The following ASB4 variants were observed in gnomAD, a reference collection of about 807,000 sequenced individuals.
The protein encoded by ASB4 is ankyrin repeat and SOCS box protein 4.
ASB4 carries 35 observed loss-of-function variants against 38.6 expected under a neutral mutation model. The ratio of observed to expected loss-of-function variants is 0.91; its 90% CI spans 0.69 to 1.20. ASB4 has a LOEUF of 1.20. ASB4 is among the 50% of genes most tolerant of loss of function. The pLI, the probability that ASB4 is intolerant of heterozygous loss-of-function variation, is 0.00. For synonymous variants in ASB4, 195 were observed against 201.3 expected, an observed-to-expected ratio of 0.97 and a Z score of 0.26; for missense variants, 557 against 527.2, an observed-to-expected ratio of 1.06 and a Z score of -0.55.
intron 2 of ASB4, among the ~76,000 whole-genome samples, chr7:95,512,749 G>C (rs1346753932): frequency 6.6e-6 from 1 of 152,132 alleles, no homozygotes; most frequent in East Asian, 1.9e-4. Flanking sequence ...TAGCTAGAAG[G>C]GGAACTCACA....
At chr7:95,475,541 A>G (rs1789969079), upstream of ASB4, among the ~76,000 whole-genome samples, 1 of 151,858 alleles carries the variant, frequency 6.6e-6, no homozygotes, top group Non-Finnish European at 1.5e-5. Flanking sequence ...GTGCCACCAC[A>G]CCTGGCTAAG....
chr7:95,531,579 C>CTATGACTAT, intron 3 of ASB4, among the ~76,000 whole-genome samples: 1 of 152,322 alleles, frequency 6.6e-6, no homozygotes, highest in South Asian at 2.1e-4. Context: ...CAAATGATGG[C>CTATGACTAT]TATGACTATT....
intron 2 of ASB4, among the ~76,000 whole-genome samples, chr7:95,506,856 T>C (rs567684386): frequency 2.6e-5 from 4 of 152,088 alleles, no homozygotes; most frequent in Non-Finnish European, 5.9e-5. Flanking sequence ...TCTTCTGCTT[T>C]CTATATGCTC....
upstream of ASB4, among the ~76,000 whole-genome samples, chr7:95,474,210 T>C (rs962367761): frequency 6.6e-6 from 1 of 152,232 alleles, no homozygotes; most frequent in Non-Finnish European, 1.5e-5. Flanking sequence ...TCTTTTCCTT[T>C]TCTTGAACAT....
intron 2 of ASB4, among the ~76,000 whole-genome samples, chr7:95,521,557 C>T (rs912036257): frequency 2.0e-5 from 3 of 151,906 alleles, no homozygotes; most frequent in Admixed American, 1.3e-4. Flanking sequence ...ATTTCTTCCT[C>T]TCAAGTAACT....
chr7:95,502,948 C>G (rs985225355), intron 2 of ASB4, among the ~76,000 whole-genome samples: 2 of 152,040 alleles, frequency 1.3e-5, no homozygotes, highest in African/African-American at 4.8e-5. Context: ...GTTGTTACCG[C>G]CATACCATGC....
chr7:95,523,963 T>C (rs1790698737), intron 2 of ASB4, among the ~76,000 whole-genome samples: 1 of 152,150 alleles, frequency 6.6e-6, no homozygotes, highest in African/African-American at 2.4e-5. Context: ...AACCAAGAAA[T>C]TGGCTAAAAT....
At chr7:95,490,602 A>G (rs1320246843) in intron 1 of ASB4, among the ~76,000 whole-genome samples, 1 of 152,236 alleles carries the variant, frequency 6.6e-6, no homozygotes, top group East Asian at 1.9e-4. Flanking sequence ...CTTTTGACTC[A>G]GATAACATTA....
upstream of ASB4, among the ~76,000 whole-genome samples, chr7:95,474,691 T>A (rs548576139): frequency 1.7e-4 from 26 of 151,898 alleles, no homozygotes; most frequent in East Asian, 4.7e-3. Flanking sequence ...CAGGCTAATT[T>A]AAAAAAAAAT....
chr7:95,523,631 T>C lies in ASB4; in HGVS notation c.488-4182T>C, dbSNP rs531020769. Among the ~76,000 whole-genome samples, 13 of 151,928 alleles carry C rather than the reference T, an allele frequency of 8.6e-5. No individual in the cohort carries two copies. The East Asian group carries it at 2.3e-3, about 27-fold the overall frequency. ...TTTTGGTAGTTATTAATAAAGACTC[T>C]TAACATAGTTCAAATGTTTCAGCTT... On this transcript the variant is annotated intron_variant, in intron 2 of 4. Coordinates refer to ENST00000325885, the MANE Select transcript of ASB4 (RefSeq NM_016116.3).
At chr7:95,542,087 A>AAAC (rs1468698410), downstream of ASB4, 1 of 151,978 alleles carries the variant, frequency 6.6e-6, no homozygotes, top group African/African-American at 2.4e-5. Context: ...AAAAAAACAA[A>AAAC]AAAAAAACCC....
At chr7:95,481,032 G>C (rs538009755), upstream of ASB4, among the ~76,000 whole-genome samples, 3 of 152,284 alleles carry the variant, frequency 2.0e-5, no homozygotes, top group East Asian at 5.8e-4. Context: ...ATCTAGGCTT[G>C]AGTGTTATAT....
At chr7:95,511,241 A>G (rs538311515) in intron 2 of ASB4, among the ~76,000 whole-genome samples, 4 of 152,284 alleles carry the variant, frequency 2.6e-5, no homozygotes, top group African/African-American at 9.6e-5. Flanking sequence ...CATTTTGTTG[A>G]CAGCCCGCCC....
intron 2 of ASB4, among the ~76,000 whole-genome samples, chr7:95,525,018 G>A (rs887035103): frequency 6.6e-6 from 1 of 152,192 alleles, no homozygotes; most frequent in African/African-American, 2.4e-5. Flanking sequence ...GTGTCTGCGT[G>A]CCTAAATTAA....
rs760627167 is a variant in ASB4, at chr7:95,486,156, A to G, written c.185A>G (p.Gln62Arg). 6.2e-7 allele frequency: 1 copy of G among 1,612,740 alleles called. No homozygotes were observed. The highest frequency in any genetic ancestry group is 8.5e-7 in the Non-Finnish European group (1 of 1,179,170). Residue 62 changes from glutamine to arginine, a missense_variant and splice_region_variant, in exon 1 of 5, where the codon CAA becomes CGA. Physicochemically the swap from Gln to Arg is conservative, Grantham distance 43 (BLOSUM62 1). Transcript: ENST00000325885. ...DENMVLASYK[Q>R]GYWLPSYKLK... ...AATATGGTTTTGGCATCTTATAAAC[A>G]AGGTAAAAACATATAGGTGTTATTG... is the stretch of plus-strand genomic sequence containing the variant.
Position 95,536,518 on chromosome 7 carries a change from TGGA to T in ASB4, c.1062_1064del (p.Trp354_Arg355delinsTer). ...TGAACACATCAGATGGAACACAAAGTGGAGAAGAGCTATCCCCGATGATGACTT... is the reference window on the plus strand; with the variant it reads ...TGAACACATCAGATGGAACACAAAGTGAAGAGCTATCCCCGATGATGACTT... On this transcript the variant is annotated stop_gained and inframe_deletion, in exon 4 of 5. Coordinates refer to ENST00000325885, the MANE Select transcript of ASB4 (RefSeq NM_016116.3). 6.2e-7 allele frequency: 1 copy of T among 1,612,588 alleles called. No homozygotes were observed.
downstream of ASB4, chr7:95,544,294 A>C (rs1791006779): frequency 6.6e-6 from 1 of 152,232 alleles, no homozygotes; most frequent in East Asian, 1.9e-4. Context: ...TTCAAGTGCT[A>C]AATTATTCAC....
chr7:95,517,109 T>C (rs1197965678), intron 2 of ASB4, among the ~76,000 whole-genome samples: 1 of 152,254 alleles, frequency 6.6e-6, no homozygotes. Flanking sequence ...GTTTATATAC[T>C]TTATCCATTT....
chr7:95,537,761 C>A lies in ASB4; in HGVS notation c.*2C>A, dbSNP rs755007826. Reference sequence around the variant, plus strand: ...GAGCCAGAGGGAATTATTTATTAAGCCTTATGAGACAGCAGTTCCCAATCC... The same window carrying A: ...GAGCCAGAGGGAATTATTTATTAAGACTTATGAGACAGCAGTTCCCAATCC... On this transcript the variant is annotated 3_prime_UTR_variant, in exon 5 of 5. Transcript: ENST00000325885. The A allele has an allele frequency of 2.5e-6, 4 of 1,611,400 alleles. No homozygotes were observed. Among genetic ancestry groups the A allele is most frequent in the South Asian group, 2.2e-5 (2 of 90,812 alleles).
Sources: gnomAD v4.1 joint callset for allele counts (sites outside exome capture counted in the v4.1 genomes callset) on GRCh38, gnomAD v4.1.1 for gene constraint, MANE v1.5 for transcripts, NCBI Gene and HGNC (gene_info 2026-07-23, HGNC 2026-07-21) for gene names.